Variants in STK39 observed in about 807,000 individuals in gnomAD.
The protein encoded by STK39 is STE20/SPS1-related proline-alanine-rich protein kinase.
In STK39, 20 loss-of-function variants were observed where a neutral mutation model predicts 77.8. The ratio of observed to expected loss-of-function variants is 0.26; its 90% confidence interval spans 0.18 to 0.37. The LOEUF is 0.37. Among genes scored for constraint, STK39 ranks in the 10% least tolerant of loss-of-function variants. The pLI is 1.00. For missense variants in STK39, 479 were observed against 656.5 expected (o/e 0.73, Z 2.95); for synonymous variants, 246 against 234.1 (o/e 1.05, Z -0.47).
At chr2:168,128,426 C>T (rs1015154377) in intron 10 of STK39, among the ~76,000 whole-genome samples, 1 of 152,164 alleles carries the variant, frequency 6.6e-6, no homozygotes, top group Non-Finnish European at 1.5e-5. Flanking sequence ...ATATTCCACT[C>T]TGATGGACTG....
At chr2:167,971,620 T>C (rs927015973) in intron 16 of STK39, among the ~76,000 whole-genome samples, 16 of 152,198 alleles carry the variant, frequency 1.1e-4, no homozygotes, top group African/African-American at 3.6e-4. Context: ...TGGCTCTTAC[T>C]AAAGGTAACT....
intron 5 of STK39, among the ~76,000 whole-genome samples, chr2:168,159,307 A>G (rs889480982): frequency 6.6e-6 from 1 of 152,184 alleles, no homozygotes; most frequent in African/African-American, 2.4e-5. Flanking sequence ...TTGTCCAGGT[A>G]GCAACAAAAA....
chr2:168,062,403 ATAATAAT>A (rs1388053909), intron 14 of STK39, among the ~76,000 whole-genome samples: 1 of 152,380 alleles, frequency 6.6e-6, no homozygotes, highest in East Asian at 1.9e-4. Context: ...CGAACTGTGA[ATAATAAT>A]CAAGGCTACT....
At chr2:168,205,595 T>A (rs1689721300) in intron 1 of STK39, among the ~76,000 whole-genome samples, 1 of 152,052 alleles carries the variant, frequency 6.6e-6, no homozygotes, top group Admixed American at 6.6e-5. Context: ...GGGACGGGGA[T>A]TGCTTGAGGC....
intron 1 of STK39, among the ~76,000 whole-genome samples, chr2:168,212,222 G>A (rs1052551599): frequency 1.3e-5 from 2 of 152,296 alleles, no homozygotes; most frequent in East Asian, 1.9e-4. Context: ...AATACCTTGT[G>A]CTTAACAAAC....
chr2:168,075,310 G>T (rs75708299), intron 10 of STK39, 79 bp from the exon 11 acceptor site: 5 of 1,582,506 alleles, frequency 3.2e-6, no homozygotes, highest in African/African-American at 1.3e-5. Context: ...TGGGTTATAC[G>T]GCATACACAC....
rs148349083 is a variant in STK39, at chr2:168,122,345, T to C, written c.1089+7196A>G. On this transcript the variant is annotated intron_variant, in intron 10 of 17. Coordinates refer to ENST00000355999, the MANE Select transcript of STK39 (RefSeq NM_013233.3). The stretch of plus-strand genomic sequence containing the variant: ...ATAATGGTCTCCACCTCCATCCATG[T>C]TGCTGCAAAGGACATGATCTTGTTC... Among the ~76,000 whole-genome samples, 1,410 of 152,358 alleles carry C rather than the reference T, an allele frequency of 9.3e-3. 8 individuals are homozygous for C. The highest frequency in any genetic ancestry group is 0.024 in the Middle Eastern group (7 of 294).
At chr2:168,214,134 G>A (rs1689964610) in intron 1 of STK39, among the ~76,000 whole-genome samples, 2 of 152,014 alleles carry the variant, frequency 1.3e-5, no homozygotes, top group South Asian at 4.2e-4. Flanking sequence ...TGCAATCCCA[G>A]GCAAGTCACT....
At chr2:168,083,228 CTTTT>C (rs542073949) in intron 10 of STK39, among the ~76,000 whole-genome samples, 2 of 138,508 alleles carry the variant, frequency 1.4e-5, no homozygotes, top group Admixed American at 1.4e-4. Flanking sequence ...CCACATTCTC[CTTTT>C]TTTTTTTTTT....
At chr2:168,125,435 A>G (rs1687516493) in intron 10 of STK39, among the ~76,000 whole-genome samples, 1 of 152,124 alleles carries the variant, frequency 6.6e-6, no homozygotes, top group African/African-American at 2.4e-5. Context: ...TCATGCACAA[A>G]GATAGTGAAA....
intron 10 of STK39, among the ~76,000 whole-genome samples, chr2:168,127,826 T>C (rs1397261440): frequency 6.6e-6 from 1 of 152,146 alleles, no homozygotes; most frequent in African/African-American, 2.4e-5. Context: ...TTTATTGCAA[T>C]TGTCCAGTTA....
chr2:168,133,923 G>A (rs1687766070), intron 8 of STK39, among the ~76,000 whole-genome samples: 1 of 151,928 alleles, frequency 6.6e-6, no homozygotes, highest in Non-Finnish European at 1.5e-5. Context: ...AGGTCCTGCT[G>A]CCCATTTGAT....
intron 1 of STK39, among the ~76,000 whole-genome samples, chr2:168,237,962 G>C (rs889147593): frequency 1.3e-5 from 2 of 152,102 alleles, no homozygotes; most frequent in Admixed American, 6.6e-5. Flanking sequence ...TTGCCTGAGA[G>C]AAAGAAAGAG....
intron 16 of STK39, among the ~76,000 whole-genome samples, chr2:168,000,063 T>TC (rs1378679070): frequency 6.6e-6 from 1 of 152,206 alleles, no homozygotes; most frequent in Non-Finnish European, 1.5e-5. Context: ...CCCTGGGACA[T>TC]CCCTTTGGGG....
At chr2:168,006,895 C>A (rs1559054011) in intron 16 of STK39, among the ~76,000 whole-genome samples, 1 of 152,216 alleles carries the variant, frequency 6.6e-6, no homozygotes, top group African/African-American at 2.4e-5. Context: ...GGCCCTTCTT[C>A]AATCCAGATT....
At chr2:168,062,941 C>T (rs561126089) in intron 14 of STK39, among the ~76,000 whole-genome samples, 5 of 152,082 alleles carry the variant, frequency 3.3e-5, no homozygotes, top group South Asian at 2.1e-4. Flanking sequence ...ATCCTTAAAA[C>T]GGAAAACGCT....
chr2:167,997,699 A>T (rs1046883305), intron 16 of STK39, among the ~76,000 whole-genome samples: 1 of 152,244 alleles, frequency 6.6e-6, no homozygotes, highest in Non-Finnish European at 1.5e-5. Context: ...GGATATTTTT[A>T]AAAGCTAATA....
At chr2:168,125,543 G>A (rs990468898) in intron 10 of STK39, among the ~76,000 whole-genome samples, 2 of 152,132 alleles carry the variant, frequency 1.3e-5, no homozygotes, top group African/African-American at 4.8e-5. Flanking sequence ...TTGAGGTCCA[G>A]GAACATCCAA....
At chr2:168,246,352 CCTG>C (rs1690898009) in intron 1 of STK39, among the ~76,000 whole-genome samples, 1 of 152,216 alleles carries the variant, frequency 6.6e-6, no homozygotes, top group African/African-American at 2.4e-5. Flanking sequence ...AACGCCGAGC[CCTG>C]CGACTCTGCC....
Sources: allele counts gnomAD v4.1 joint callset (sites outside exome capture counted in the v4.1 genomes callset), GRCh38; gene constraint gnomAD v4.1.1; transcripts MANE v1.5; gene names NCBI Gene and HGNC (gene_info 2026-07-23, HGNC 2026-07-21).